The following ABCA13 variants were observed in gnomAD, a reference collection of about 807,000 sequenced individuals.
ABCA13 encodes ATP binding cassette subfamily A member 13, also known as ATP-binding cassette sub-family A member 13.
In ABCA13, 476 loss-of-function variants were observed where a neutral mutation model predicts 478.7. The observed-to-expected ratio is 0.99, with a 90% CI of 0.92 to 1.07. ABCA13 has a LOEUF of 1.07. Among genes scored for constraint, ABCA13 ranks in the 50% least tolerant of loss-of-function variants. ABCA13 has a pLI of 0.00. For synonymous variants in ABCA13, 2,252 were observed against 2,158.9 expected (o/e 1.04, Z -1.20); for missense variants, 6,060 against 5,910.6 (o/e 1.03, Z -0.83).
rs79388847 is a variant in ABCA13, at chr7:48,475,300, T to G, written c.12975+3701T>G. 9.8e-3 allele frequency among the ~76,000 whole-genome samples: 1,487 copies of G among 152,218 alleles called. 29 individuals are homozygous for G. Among genetic ancestry groups the G allele is most frequent in the African/African-American group, 0.033 (1,388 of 41,526 alleles). On this transcript the variant is annotated intron_variant, in intron 45 of 61. Transcript: ENST00000435803. ...CAAAGGAGACGTACACAAAGCTGTG[T>G]GGAAGGAAGGCCTATAGACCCAAGG... is the stretch of plus-strand genomic sequence containing the variant.
At position 48,278,451 on chromosome 7, in the gene ABCA13, T is replaced by C; in HGVS notation, c.7257T>C (p.Cys2419=). The change falls in exon 18 of 62, where the codon TGT becomes TGC. Residue 2419 remains cysteine (C), a synonymous_variant. Coordinates refer to ENST00000435803, the MANE Select transcript of ABCA13 (RefSeq NM_152701.5). ...LGSALHLVRE[C]STEMARLLDT... Reference sequence around the variant, plus strand: ...CAGCTCTTCACCTTGTAAGAGAATGTTCAACAGAGATGGCAAGACTTCTGG... The same window carrying C: ...CAGCTCTTCACCTTGTAAGAGAATGCTCAACAGAGATGGCAAGACTTCTGG... The C allele has an allele frequency of 2.5e-6, 4 of 1,614,002 alleles. No homozygotes were observed. Among genetic ancestry groups the C allele is most frequent in the Non-Finnish European group, 3.4e-6 (4 of 1,179,880 alleles).
At chr7:48,619,696 G>A (rs906817816) in intron 59 of ABCA13, among the ~76,000 whole-genome samples, 2 of 152,094 alleles carry the variant, frequency 1.3e-5, no homozygotes, top group African/African-American at 4.8e-5. Flanking sequence ...TATGCCAAGT[G>A]GCCTCCAAAC....
intron 35 of ABCA13, among the ~76,000 whole-genome samples, chr7:48,384,653 A>G (rs961444085): frequency 6.6e-6 from 1 of 152,168 alleles, no homozygotes; most frequent in East Asian, 1.9e-4. Flanking sequence ...CTACAGAGGG[A>G]TGGTTTTTGC....
chr7:48,449,880 C>T (rs118178072), intron 42 of ABCA13, among the ~76,000 whole-genome samples: 70 of 152,332 alleles, frequency 4.6e-4, no homozygotes, highest in Non-Finnish European at 8.7e-4. Flanking sequence ...TATTTCTTCA[C>T]ACTCTGGTTA....
rs144978482 is a variant in ABCA13 at position 48,416,397 on chromosome 7, C to T, written c.12459+3814C>T. On this transcript the variant is annotated intron_variant, in intron 41 of 61. Coordinates refer to ENST00000435803, the MANE Select transcript of ABCA13 (RefSeq NM_152701.5). ...CTGGGGTGCTGAGAGAGCTGGGCCTCGACAGAGCCTGCAGGGCCACGGGGA... is the reference window on the plus strand; with the variant it reads ...CTGGGGTGCTGAGAGAGCTGGGCCTTGACAGAGCCTGCAGGGCCACGGGGA... 1.6e-3 allele frequency among the ~76,000 whole-genome samples: 236 copies of T among 152,160 alleles called. 1 individual carries two copies. Among genetic ancestry groups the T allele is most frequent in the African/African-American group, 5.6e-3 (231 of 41,524 alleles).
At chr7:48,260,603 T>A (rs1794039907) in intron 15 of ABCA13, among the ~76,000 whole-genome samples, 1 of 152,084 alleles carries the variant, frequency 6.6e-6, no homozygotes, top group Non-Finnish European at 1.5e-5. Context: ...AATTGTCTCA[T>A]GATTTTCGTT....
chr7:48,323,158 A>T (rs749296421), intron 27 of ABCA13, among the ~76,000 whole-genome samples: 2 of 152,102 alleles, frequency 1.3e-5, no homozygotes, highest in Non-Finnish European at 2.9e-5. Context: ...CCTTGCTTTT[A>T]TCACTACTTG....
intron 17 of ABCA13, among the ~76,000 whole-genome samples, 160 bp downstream of exon 17, chr7:48,276,725 A>G (rs1197021038): frequency 6.6e-6 from 1 of 152,228 alleles, no homozygotes; most frequent in Non-Finnish European, 1.5e-5. Context: ...TCAAAATGTC[A>G]AGGTAAAAGA....
chr7:48,340,596 A>T (rs1184557386), intron 29 of ABCA13, among the ~76,000 whole-genome samples: 6 of 152,128 alleles, frequency 3.9e-5, no homozygotes. Context: ...TGAAGATAAG[A>T]ATATGTATTT....
At chr7:48,409,600 G>A (rs910347183) in intron 39 of ABCA13, among the ~76,000 whole-genome samples, 16 of 152,090 alleles carry the variant, frequency 1.1e-4, no homozygotes, top group African/African-American at 3.4e-4. Flanking sequence ...CTGCTACTTG[G>A]AATAATGAAT....
intron 59 of ABCA13, among the ~76,000 whole-genome samples, chr7:48,635,551 C>G (rs1794565739): frequency 6.6e-6 from 1 of 152,190 alleles, no homozygotes; most frequent in Admixed American, 6.5e-5. Flanking sequence ...AAGCCTCTGT[C>G]TAATGAGCCT....
chr7:48,300,023 A>G (rs1799933259), intron 23 of ABCA13, among the ~76,000 whole-genome samples: 2 of 152,374 alleles, frequency 1.3e-5, no homozygotes, highest in Admixed American at 6.5e-5. Flanking sequence ...ATGGTTAAGT[A>G]TATCCATAAA....
At chr7:48,597,936 C>G (rs951563064) in intron 58 of ABCA13, among the ~76,000 whole-genome samples, 9 of 152,120 alleles carry the variant, frequency 5.9e-5, no homozygotes, top group African/African-American at 2.2e-4. Flanking sequence ...AATTGATGAG[C>G]CTACATTGAC....
intron 10 of ABCA13, among the ~76,000 whole-genome samples, chr7:48,242,834 TC>T (rs1374591952): frequency 6.6e-6 from 1 of 152,194 alleles, no homozygotes; most frequent in Non-Finnish European, 1.5e-5. Flanking sequence ...AGAAACCCCA[TC>T]CCTTTTTCAC....
At chr7:48,374,535 G>C (rs192213837) in intron 34 of ABCA13, 119 bp downstream of exon 34, 23 of 934,186 alleles carry the variant, frequency 2.5e-5, no homozygotes, top group Non-Finnish European at 3.5e-5. Flanking sequence ...TTCAGAATGA[G>C]GTTTGGATAT....
intron 35 of ABCA13, among the ~76,000 whole-genome samples, chr7:48,385,313 G>T (rs761264282): frequency 2.6e-5 from 4 of 151,938 alleles, no homozygotes; most frequent in Non-Finnish European, 5.9e-5. Context: ...CCTCCAAAAG[G>T]CCCCAGTGCA....
At chr7:48,471,354 T>G (rs909691709) in intron 44 of ABCA13, among the ~76,000 whole-genome samples, 176 bp from the exon 45 acceptor site, 1 of 152,174 alleles carries the variant, frequency 6.6e-6, no homozygotes, top group African/African-American at 2.4e-5. Context: ...TAATAAAACA[T>G]TGTCATCAGA....
chr7:48,270,364 T>C (rs1795432358), intron 16 of ABCA13, among the ~76,000 whole-genome samples: 1 of 152,146 alleles, frequency 6.6e-6, no homozygotes, highest in African/African-American at 2.4e-5. Flanking sequence ...ACTAAATTAC[T>C]AAAGTAATAT....
chr7:48,307,083 C>A (rs999054336), intron 23 of ABCA13, among the ~76,000 whole-genome samples: 8 of 152,098 alleles, frequency 5.3e-5, no homozygotes. Context: ...TGCCAGCCCC[C>A]ACATTTGCAT....
Sources: gnomAD v4.1 joint callset for allele counts (sites outside exome capture counted in the v4.1 genomes callset) on GRCh38, gnomAD v4.1.1 for gene constraint, MANE v1.5 for transcripts, NCBI Gene and HGNC (gene_info 2026-07-23, HGNC 2026-07-21) for gene names.